The following NUP210L variants were observed in gnomAD, a reference collection of about 807,000 sequenced individuals.
The protein encoded by NUP210L is nuclear pore membrane glycoprotein 210-like.
NUP210L carries 74 observed loss-of-function variants against 208.5 expected under a neutral mutation model. The observed-to-expected ratio is 0.35, with a 90% CI of 0.29 to 0.43. The LOEUF is 0.43. Among genes scored for constraint, NUP210L ranks in the 20% least tolerant of loss-of-function variants. NUP210L has a pLI of 1.00. For missense variants in NUP210L, 1,843 were observed against 2,289.4 expected, an observed-to-expected ratio of 0.81 and a Z score of 3.98; for synonymous variants, 780 against 816.9, an observed-to-expected ratio of 0.95 and a Z score of 0.77.
Position 154,061,694 on chromosome 1 carries a change from T to C in NUP210L, c.2555-20A>G. ...GATGACCTGGAAACATGCAGAAAAA[T>C]ACCCTGTGAGAAACAATAACATGTA... On this transcript the variant is annotated intron_variant, in intron 17 of 39. Coordinates refer to ENST00000368559, the Ensembl canonical transcript of NUP210L. The C allele has an allele frequency of 1.4e-6, 2 of 1,419,452 alleles. No homozygotes were observed. Among genetic ancestry groups the C allele is most frequent in the Non-Finnish European group, 2.0e-6 (2 of 1,011,038 alleles). The allele number at this position is 1,419,452 out of a possible 1,614,324, so 87.9% of individuals were successfully genotyped here. A position where few individuals can be genotyped will look rare whatever the true frequency, so the allele number is the denominator to read the frequency against.
intron 23 of NUP210L, among the ~76,000 whole-genome samples, chr1:154,055,139 C>CTTTCTTTCTT (rs1653765467): frequency 3.3e-5 from 3 of 91,082 alleles, no homozygotes; most frequent in African/African-American, 1.5e-4. Flanking sequence ...TTCTTTCTTT[C>CTTTCTTTCTT]TTTCTTTCTT....
intron 16 of NUP210L, among the ~76,000 whole-genome samples, chr1:154,085,831 G>C (rs1396489193): frequency 6.6e-6 from 1 of 152,102 alleles, no homozygotes; most frequent in African/African-American, 2.4e-5. Flanking sequence ...TAACAGATTT[G>C]CAACAAGAGT....
intron 37 of NUP210L, 99 bp downstream of exon 37, chr1:154,000,757 T>A: frequency 9.8e-7 from 1 of 1,017,614 alleles, no homozygotes; most frequent in Non-Finnish European, 1.5e-6. Flanking sequence ...GACAGTTAAG[T>A]GAAATGCGGA....
chr1:154,011,551 TG>T (rs1298272709), intron 34 of NUP210L, among the ~76,000 whole-genome samples: 8 of 146,944 alleles, frequency 5.4e-5, no homozygotes, highest in Non-Finnish European at 1.2e-4. Flanking sequence ...TTCTGAGAGA[TG>T]GGGTCTTGCT....
At chr1:154,118,048 A>C (rs1407679919) in intron 11 of NUP210L, among the ~76,000 whole-genome samples, 168 bp from the exon 12 acceptor site, 1 of 152,118 alleles carries the variant, frequency 6.6e-6, no homozygotes, top group Non-Finnish European at 1.5e-5. Context: ...GGTGCCTTAC[A>C]CCTGTAATCC....
Position 154,126,306 on chromosome 1 carries a change from GTC to G in NUP210L, c.1326+15_1326+16del. The stretch of plus-strand genomic sequence containing the variant: ...TCAGTGTTCTTAGAATACAAACACT[GTC>G]TGTTTAATTCCTACCTGGTAAATGA... On this transcript the variant is annotated intron_variant, in intron 10 of 39. Transcript: ENST00000368559. The G allele has an allele frequency of 6.2e-7, 1 of 1,603,934 alleles. No homozygotes were observed. Among genetic ancestry groups the G allele is most frequent in the Non-Finnish European group, 8.5e-7 (1 of 1,175,636 alleles).
At chr1:154,084,038 C>CTTTT (rs34861266) in intron 16 of NUP210L, among the ~76,000 whole-genome samples, 27 of 103,602 alleles carry the variant, frequency 2.6e-4, no homozygotes, top group Admixed American at 5.9e-4. Context: ...CTTTTCCTTT[C>CTTTT]TTTTTTTTTT....
At position 154,099,984 on chromosome 1, in the gene NUP210L, A is replaced by C. The variant is rs75849975; in HGVS notation, c.1965+14T>G. 6.2e-7 allele frequency: 1 copy of C among 1,613,708 alleles called. No individual in the cohort carries two copies. The highest frequency in any genetic ancestry group is 1.1e-5 in the South Asian group (1 of 91,054). ...TTAAAAGAAATGCCAGTTCCTTACCATGAAATATCTTACCTTTAGGGGTTC... is the reference window on the plus strand; with the variant it reads ...TTAAAAGAAATGCCAGTTCCTTACCCTGAAATATCTTACCTTTAGGGGTTC... On this transcript the variant is annotated intron_variant, in intron 14 of 39. Coordinates refer to ENST00000368559, the Ensembl canonical transcript of NUP210L.
chr1:154,117,848 A>C, exon 12 of NUP210L: 2 of 1,612,736 alleles, frequency 1.2e-6, no homozygotes, highest in Non-Finnish European at 1.7e-6. Flanking sequence ...CATTAGAAGA[A>C]GTCCAGGTAA....
intron 38 of NUP210L, among the ~76,000 whole-genome samples, chr1:153,993,855 A>T (rs528352013): frequency 6.6e-6 from 1 of 152,124 alleles, no homozygotes; most frequent in African/African-American, 2.4e-5. Context: ...CCAAGATTGC[A>T]CCACTTCACA....
At chr1:154,032,715 C>A (rs1477300429) in intron 27 of NUP210L, among the ~76,000 whole-genome samples, 5 of 151,670 alleles carry the variant, frequency 3.3e-5, no homozygotes, top group African/African-American at 1.2e-4. Context: ...GTTAGGAGTT[C>A]GAGACCAGCC....
intron 27 of NUP210L, among the ~76,000 whole-genome samples, chr1:154,038,770 T>C (rs866179820): frequency 7.9e-5 from 12 of 152,102 alleles, no homozygotes; most frequent in African/African-American, 2.9e-4. Flanking sequence ...TTGTTGTAGG[T>C]TTTTTTGATT....
intron 2 of NUP210L, among the ~76,000 whole-genome samples, chr1:154,151,711 G>A (rs1484107721): frequency 3.3e-5 from 5 of 151,782 alleles, no homozygotes; most frequent in Admixed American, 6.6e-5. Context: ...ACTGTGTTGC[G>A]CAGGCCAGGC....
intron 7 of NUP210L, among the ~76,000 whole-genome samples, chr1:154,135,570 C>A (rs1458406739): frequency 6.6e-6 from 1 of 151,812 alleles, no homozygotes; most frequent in Non-Finnish European, 1.5e-5. Context: ...TACAGGCGCC[C>A]GCCACCACGC....
intron 16 of NUP210L, among the ~76,000 whole-genome samples, chr1:154,087,068 C>T (rs1402970998): frequency 6.6e-6 from 1 of 151,996 alleles, no homozygotes; most frequent in Non-Finnish European, 1.5e-5. Context: ...GCCTGTAATC[C>T]CAGCACTTTG....
chr1:153,996,020 T>C (rs532360595), intron 37 of NUP210L: 19 of 373,208 alleles, frequency 5.1e-5, no homozygotes, highest in East Asian at 2.8e-4. Context: ...CGGCCTGGCG[T>C]GGTGGCTCAC....
At chr1:154,131,996 G>T (rs1424536334) in intron 7 of NUP210L, among the ~76,000 whole-genome samples, 1 of 152,052 alleles carries the variant, frequency 6.6e-6, no homozygotes, top group Admixed American at 6.6e-5. Context: ...TATTAGTAGA[G>T]ATGGGGTTTC....
intron 27 of NUP210L, among the ~76,000 whole-genome samples, chr1:154,033,099 CA>C (rs1455939700): frequency 2.6e-5 from 4 of 152,104 alleles, no homozygotes; most frequent in African/African-American, 9.7e-5. Context: ...CTGATTGTTA[CA>C]TTTTTTTCCT....
intron 25 of NUP210L, among the ~76,000 whole-genome samples, chr1:154,046,830 C>T (rs187701223): frequency 2.6e-4 from 40 of 152,272 alleles, no homozygotes; most frequent in Admixed American, 1.4e-3. Flanking sequence ...TTTGGGAGGC[C>T]GGGTGGATCA....
Sources: allele counts gnomAD v4.1 joint callset (sites outside exome capture counted in the v4.1 genomes callset), GRCh38; gene constraint gnomAD v4.1.1; transcripts MANE v1.5; gene names NCBI Gene and HGNC (gene_info 2026-07-23, HGNC 2026-07-21).